Variants in SEMA3E observed in about 807,000 individuals in gnomAD.
The protein encoded by SEMA3E is semaphorin 3E.
A neutral mutation model predicts 93.6 loss-of-function variants in SEMA3E; 49 were observed. That is an observed-to-expected ratio of 0.52 (90% CI 0.42 to 0.66). The LOEUF is 0.66. SEMA3E is among the 30% of genes least tolerant of loss of function. The pLI is 0.00. For synonymous variants in SEMA3E, 363 were observed against 330.7 expected (o/e 1.10, Z -1.06); for missense variants, 906 against 964.8 (o/e 0.94, Z 0.81).
chr7:83,623,248 G>A (rs1793602783), intron 1 of SEMA3E, among the ~76,000 whole-genome samples: 1 of 151,952 alleles, frequency 6.6e-6, no homozygotes, highest in African/African-American at 2.4e-5. Flanking sequence ...AATAAAACTA[G>A]AAACAACCAA....
chr7:83,370,317 T>C (rs1162646358), intron 16 of SEMA3E, among the ~76,000 whole-genome samples: 1 of 152,154 alleles, frequency 6.6e-6, no homozygotes, highest in African/African-American at 2.4e-5. Context: ...CTCCATTTAC[T>C]AACTTTCCTA....
chr7:83,483,951 C>T (rs1014090864), intron 2 of SEMA3E, among the ~76,000 whole-genome samples: 2 of 152,204 alleles, frequency 1.3e-5, no homozygotes, highest in African/African-American at 4.8e-5. Flanking sequence ...TCCAGGTCAA[C>T]AGTGAATACT....
At chr7:83,386,655 C>A (rs1257625804) in intron 15 of SEMA3E, among the ~76,000 whole-genome samples, 1 of 151,990 alleles carries the variant, frequency 6.6e-6, no homozygotes, top group Admixed American at 6.6e-5. Context: ...AAGATAGTCC[C>A]CAGTATGAGA....
Position 83,562,716 on chromosome 7 carries a change from T to A in SEMA3E, c.116-72442A>T, listed in dbSNP as rs148120577. Among the ~76,000 whole-genome samples the A allele has an allele frequency of 7.2e-4, 110 of 152,120 alleles. 1 individual carries two copies. In the Middle Eastern group the frequency reaches 0.01, roughly 14 times the overall value. ...GGCTTCTAAGACCTTTACAAGTGGC[T>A]GTTTGCAAATTATTCCAGGGAAATA... On this transcript the variant is annotated intron_variant, in intron 1 of 16. Coordinates refer to ENST00000643230, the MANE Select transcript of SEMA3E (RefSeq NM_012431.3).
At chr7:83,526,315 T>C (rs1791158428) in intron 1 of SEMA3E, among the ~76,000 whole-genome samples, 1 of 152,154 alleles carries the variant, frequency 6.6e-6, no homozygotes, top group South Asian at 2.1e-4. Flanking sequence ...ATTTATTGTT[T>C]CACTTGTTTC....
chr7:83,444,844 T>A (rs1340804906), intron 4 of SEMA3E, among the ~76,000 whole-genome samples: 1 of 152,078 alleles, frequency 6.6e-6, no homozygotes, highest in Non-Finnish European at 1.5e-5. Flanking sequence ...CTAATTTTTG[T>A]ATTTTTAGTA....
At chr7:83,512,211 A>G (rs1388769425) in intron 1 of SEMA3E, among the ~76,000 whole-genome samples, 3 of 152,196 alleles carry the variant, frequency 2.0e-5, no homozygotes, top group African/African-American at 7.2e-5. Flanking sequence ...TTGTCTAGAA[A>G]GTGTGCTTGC....
chr7:83,423,811 T>C (rs1374908583), intron 4 of SEMA3E, among the ~76,000 whole-genome samples: 1 of 151,930 alleles, frequency 6.6e-6, no homozygotes, highest in Admixed American at 6.6e-5. Flanking sequence ...GCACCCAGCC[T>C]CGATTTTAAA....
At chr7:83,596,156 A>G (rs1006138009) in intron 1 of SEMA3E, among the ~76,000 whole-genome samples, 1 of 152,092 alleles carries the variant, frequency 6.6e-6, no homozygotes, top group Non-Finnish European at 1.5e-5. Context: ...GTTATGATCC[A>G]GTAATATCAT....
chr7:83,392,372 G>A (rs1290400451), intron 14 of SEMA3E, among the ~76,000 whole-genome samples, 183 bp downstream of exon 14: 1 of 151,522 alleles, frequency 6.6e-6, no homozygotes, highest in Non-Finnish European at 1.5e-5. Flanking sequence ...AGTTTCAAAA[G>A]AGGGAAAAAC....
intron 4 of SEMA3E, among the ~76,000 whole-genome samples, chr7:83,458,144 A>C (rs531944390): frequency 6.6e-6 from 1 of 151,744 alleles, no homozygotes; most frequent in South Asian, 2.1e-4. Flanking sequence ...ATTTGAAATA[A>C]TATTCAATCA....
At chr7:83,390,151 G>A (rs138100819) in intron 14 of SEMA3E, among the ~76,000 whole-genome samples, 1,966 of 21,252 alleles carry the variant, frequency 0.093, 323 homozygotes, top group Middle Eastern at 0.27. Flanking sequence ...GCGCGTATAC[G>A]TGTGCACATA....
chr7:83,542,323 G>A (rs1225904309), intron 1 of SEMA3E, among the ~76,000 whole-genome samples: 6 of 152,050 alleles, frequency 3.9e-5, no homozygotes, highest in Non-Finnish European at 4.4e-5. Flanking sequence ...TTGTGCCACA[G>A]CATGAGACTC....
At chr7:83,572,879 G>T (rs775943591) in intron 1 of SEMA3E, among the ~76,000 whole-genome samples, 3 of 151,980 alleles carry the variant, frequency 2.0e-5, no homozygotes, top group Non-Finnish European at 4.4e-5. Flanking sequence ...ACTCAAGATA[G>T]ATTAAAGATT....
intron 1 of SEMA3E, chr7:83,612,705 G>A (rs938221712): frequency 6.6e-6 from 1 of 152,102 alleles, no homozygotes; most frequent in Non-Finnish European, 1.5e-5. Flanking sequence ...ACTGTCACTA[G>A]GGGTGGGTAA....
At chr7:83,498,593 T>A (rs1165607901) in intron 1 of SEMA3E, among the ~76,000 whole-genome samples, 1 of 152,022 alleles carries the variant, frequency 6.6e-6, no homozygotes, top group Non-Finnish European at 1.5e-5. Flanking sequence ...TTCTCTTGCC[T>A]CAGGCCCCTG....
chr7:83,373,629 A>G (rs550625985), intron 16 of SEMA3E, among the ~76,000 whole-genome samples: 7 of 152,154 alleles, frequency 4.6e-5, no homozygotes, highest in Admixed American at 6.6e-5. Flanking sequence ...TTATTTTAAT[A>G]CAAGATTATG....
At chr7:83,471,928 T>C (rs936997091) in intron 2 of SEMA3E, among the ~76,000 whole-genome samples, 5 of 152,236 alleles carry the variant, frequency 3.3e-5, no homozygotes, top group Non-Finnish European at 7.3e-5. Context: ...GTATTTGCTA[T>C]GTTGTAATCC....
At chr7:83,494,375 C>T (rs951675119) in intron 1 of SEMA3E, among the ~76,000 whole-genome samples, 1 of 151,150 alleles carries the variant, frequency 6.6e-6, no homozygotes, top group Non-Finnish European at 1.5e-5. Flanking sequence ...ATAGGTATAC[C>T]GAAAAATACT....
Sources: gnomAD v4.1 joint callset for allele counts (sites outside exome capture counted in the v4.1 genomes callset) on GRCh38, gnomAD v4.1.1 for gene constraint, MANE v1.5 for transcripts, NCBI Gene and HGNC (gene_info 2026-07-23, HGNC 2026-07-21) for gene names.